The following SYT17 variants were observed in gnomAD, a reference collection of about 807,000 sequenced individuals.
The protein encoded by SYT17 is synaptotagmin 17.
In SYT17, 22 loss-of-function variants were observed where a neutral mutation model predicts 46.7. The ratio of observed to expected loss-of-function variants is 0.47; its 90% CI spans 0.34 to 0.67. The LOEUF is 0.67. Among genes scored for constraint, SYT17 ranks in the 30% least tolerant of loss-of-function variants. The pLI is 0.01. For synonymous variants in SYT17, 251 were observed against 248.4 expected, an observed-to-expected ratio of 1.01 and a Z score of -0.10; for missense variants, 519 against 612.8, an observed-to-expected ratio of 0.85 and a Z score of 1.62.
rs756096880 is a variant in SYT17, at chr16:19,248,914, G to A, written c.1229-17966G>A. Among the ~76,000 whole-genome samples the A allele has an allele frequency of 2.0e-5, 3 of 150,456 alleles. No individual in the cohort carries two copies. In the South Asian group the frequency reaches 6.2e-4, roughly 31 times the overall value. ...CATGGCCGAATCTCAAAAACATTAC[G>A]CTAAGTGAATGCAAATGACTATATA... On this transcript the variant is annotated intron_variant, in intron 7 of 7. Transcript: ENST00000355377.
At chr16:19,171,309 T>TGAC (rs745712259) in intron 1 of SYT17, 1 of 162,926 alleles carries the variant, frequency 6.1e-6, no homozygotes, top group Non-Finnish European at 1.3e-5. Context: ...ATGATGATGA[T>TGAC]GATGATGATG....
intron 5 of SYT17, among the ~76,000 whole-genome samples, chr16:19,189,782 C>T (rs76936399): frequency 6.6e-6 from 1 of 152,186 alleles, no homozygotes; most frequent in African/African-American, 2.4e-5. Context: ...TACTTTTAGC[C>T]TATTCTAATG....
intron 5 of SYT17, among the ~76,000 whole-genome samples, chr16:19,199,465 G>A (rs778033361): frequency 6.6e-6 from 1 of 152,160 alleles, no homozygotes; most frequent in Non-Finnish European, 1.5e-5. Flanking sequence ...ATTAGGCTGG[G>A]CACAGTGGCT....
chr16:19,182,789 G>A (rs750347741), intron 4 of SYT17, among the ~76,000 whole-genome samples: 5 of 152,238 alleles, frequency 3.3e-5, no homozygotes, highest in African/African-American at 4.8e-5. Flanking sequence ...GCCCGTAAGC[G>A]GTGAGGTTTG....
chr16:19,232,859 CAAACA>C (rs1160111520), intron 7 of SYT17, among the ~76,000 whole-genome samples: 1 of 151,762 alleles, frequency 6.6e-6, no homozygotes, highest in Non-Finnish European at 1.5e-5. Flanking sequence ...AACAAACAAA[CAAACA>C]AACTCTCTAG....
intron 7 of SYT17, among the ~76,000 whole-genome samples, chr16:19,247,416 A>G (rs1288719945): frequency 6.6e-6 from 1 of 152,214 alleles, no homozygotes; most frequent in African/African-American, 2.4e-5. Context: ...ATTTTGATAG[A>G]TATCGTCAAA....
chr16:19,183,931 C>A lies in SYT17; in HGVS notation c.735C>A (p.Thr245=), dbSNP rs371509222. ...LLPDQKNSKQ[T]GVKRKTQKPV... is the part of the protein sequence containing the mutation. ...CAGACCAGAAGAACTCAAAGCAGAC[C>A]GGGGTCAAACGCAAGACCCAGAAGC... is the stretch of plus-strand genomic sequence containing the variant. The change falls in exon 5 of 8, where the codon ACC becomes ACA. Residue 245 remains threonine, a synonymous_variant. Coordinates refer to ENST00000355377, the MANE Select transcript of SYT17 (RefSeq NM_016524.4). The surrounding 1 kb of genome is among the most constrained non-coding windows in gnomAD (Gnocchi z 5.6). 15 of 1,614,230 alleles carry A rather than the reference C, an allele frequency of 9.3e-6. No homozygotes were observed. In the South Asian group the frequency reaches 1.5e-4, roughly 17 times the overall value.
chr16:19,200,734 G>C (rs1965428236), intron 5 of SYT17, among the ~76,000 whole-genome samples: 1 of 152,196 alleles, frequency 6.6e-6, no homozygotes, highest in Admixed American at 6.5e-5. Context: ...GAAGGTGTTC[G>C]ATCTTGACTT....
rs560355939 is a variant in SYT17 at position 19,173,406 on chromosome 16, G to A, written c.34-24G>A. 276 of 97,780 alleles carry A rather than the reference G, an allele frequency of 2.8e-3. 1 individual carries two copies. Among genetic ancestry groups the A allele is most frequent in the South Asian group, 0.027 (255 of 9,392 alleles). The allele number at this position is 97,780 out of a possible 1,614,324, so 6.1% of individuals were successfully genotyped here. ...CACCTCCCCTCTCCCCCATCCCCCC[G>A]CCCACCTCCCCCAATGGCCTCAGGG... On this transcript the variant is annotated intron_variant, in intron 2 of 7. Coordinates refer to ENST00000355377, the MANE Select transcript of SYT17 (RefSeq NM_016524.4).
At chr16:19,194,659 G>A (rs933844383) in intron 5 of SYT17, among the ~76,000 whole-genome samples, 1 of 152,152 alleles carries the variant, frequency 6.6e-6, no homozygotes. Flanking sequence ...GCAGGGGTGC[G>A]ATCATGATCA....
chr16:19,179,358 G>A (rs1027753733), intron 3 of SYT17, among the ~76,000 whole-genome samples: 4 of 151,938 alleles, frequency 2.6e-5, no homozygotes, highest in African/African-American at 4.8e-5. Flanking sequence ...TCAAACTTTC[G>A]AGCTCAAGTG....
At chr16:19,172,603 C>T in intron 1 of SYT17, 157 bp from the exon 2 acceptor site, 1 of 1,530,010 alleles carries the variant, frequency 6.5e-7, no homozygotes, top group Non-Finnish European at 8.7e-7. Context: ...AGTCAGCTCC[C>T]TTCCCAGGAT....
chr16:19,169,155 G>GGACA (rs1236105779), intron 1 of SYT17, among the ~76,000 whole-genome samples: 1 of 152,074 alleles, frequency 6.6e-6, no homozygotes, highest in Non-Finnish European at 1.5e-5. Context: ...GAGGGGTGGG[G>GGACA]GACACCCAGA....
At chr16:19,238,531 T>C (rs1337403293) in intron 7 of SYT17, among the ~76,000 whole-genome samples, 1 of 152,238 alleles carries the variant, frequency 6.6e-6, no homozygotes, top group Non-Finnish European at 1.5e-5. Context: ...GTGGTAGAAC[T>C]TGGCTGGATC....
intron 7 of SYT17, among the ~76,000 whole-genome samples, chr16:19,251,561 G>A (rs138904909): frequency 6.6e-6 from 1 of 152,296 alleles, no homozygotes; most frequent in Non-Finnish European, 1.5e-5. Flanking sequence ...GCGCAAGCGT[G>A]AGCAGGCAAC....
At chr16:19,253,645 A>G (rs1035182565) in intron 7 of SYT17, among the ~76,000 whole-genome samples, 1 of 37,346 alleles carries the variant, frequency 2.7e-5, no homozygotes, top group Non-Finnish European at 9.6e-5. Context: ...GCTTCTTAAG[A>G]AAAGAAAAGA....
At chr16:19,232,254 A>G (rs1966726398) in intron 7 of SYT17, among the ~76,000 whole-genome samples, 1 of 129,664 alleles carries the variant, frequency 7.7e-6, no homozygotes, top group South Asian at 2.7e-4. Context: ...GAAACAAGGC[A>G]ATGACAGACA....
intron 5 of SYT17, among the ~76,000 whole-genome samples, chr16:19,198,223 C>T (rs1965328197): frequency 6.6e-6 from 1 of 152,094 alleles, no homozygotes; most frequent in Non-Finnish European, 1.5e-5. Flanking sequence ...CCACCCCACC[C>T]CGAGAACTAA....
intron 7 of SYT17, among the ~76,000 whole-genome samples, chr16:19,256,845 T>C (rs1470575762): frequency 6.6e-6 from 1 of 152,110 alleles, no homozygotes; most frequent in Non-Finnish European, 1.5e-5. Context: ...CTCGAAGTGC[T>C]GGGATTACAG....
Sources: gnomAD v4.1 joint callset for allele counts (sites outside exome capture counted in the v4.1 genomes callset) on GRCh38, gnomAD v4.1.1 for gene constraint, Gnocchi (gnomAD v3.1) non-coding constraint, MANE v1.5 for transcripts, NCBI Gene and HGNC (gene_info 2026-07-23, HGNC 2026-07-21) for gene names.